SPATA19: variants seen among roughly 807,000 people sequenced by gnomAD.
The protein encoded by SPATA19 is spermatogenesis associated 19, also known as spermatogenesis-associated protein 19, mitochondrial.
A neutral mutation model predicts 25.0 loss-of-function variants in SPATA19; 19 were observed. The observed-to-expected ratio is 0.76, with a 90% CI of 0.53 to 1.11. The LOEUF is 1.11. SPATA19 is among the 50% of genes most tolerant of loss of function. The probability of loss-of-function intolerance (pLI) is 0.00; values close to 1 mark genes in which losing one functional copy is unlikely to be tolerated. For synonymous variants in SPATA19, 64 were observed against 69.3 expected, an observed-to-expected ratio of 0.92 and a Z score of 0.38; for missense variants, 222 against 211.4, an observed-to-expected ratio of 1.05 and a Z score of -0.31.
At chr11:133,838,586 AACCTAGGCAAT>A (rs1207409911), downstream of SPATA19, among the ~76,000 whole-genome samples, 4 of 152,200 alleles carry the variant, frequency 2.6e-5, no homozygotes, top group African/African-American at 7.2e-5. Flanking sequence ...CCTAGAAGAA[AACCTAGGCAAT>A]ACCATTCAGG....
intron 4 of SPATA19, 91 bp from the exon 5 acceptor site, chr11:133,842,653 A>C: frequency 1.0e-6 from 1 of 995,930 alleles, no homozygotes; most frequent in Non-Finnish European, 1.6e-6. Context: ...TCCTGCAAAC[A>C]ATGACTCTTG....
chr11:133,836,208 A>G (rs1380040716), downstream of SPATA19, among the ~76,000 whole-genome samples: 1 of 151,986 alleles, frequency 6.6e-6, no homozygotes, highest in Non-Finnish European at 1.5e-5. Context: ...CCCCTCTCAG[A>G]GCCCTCTCAC....
intron 4 of SPATA19, among the ~76,000 whole-genome samples, 162 bp from the exon 5 acceptor site, chr11:133,842,724 T>TC (rs1334079454): frequency 2.6e-5 from 4 of 151,822 alleles, no homozygotes; most frequent in African/African-American, 7.3e-5. Context: ...AGCACAAAGC[T>TC]TTTTTTTACT....
intron 4 of SPATA19, among the ~76,000 whole-genome samples, chr11:133,843,289 T>C (rs1160315518): frequency 6.6e-6 from 1 of 152,144 alleles, no homozygotes; most frequent in Non-Finnish European, 1.5e-5. Flanking sequence ...CGCAATTCCA[T>C]AGCACAACCA....
At chr11:133,844,197 C>T (rs778977654) in intron 4 of SPATA19, 49 bp downstream of exon 4, 13 of 1,452,948 alleles carry the variant, frequency 8.9e-6, no homozygotes, top group Admixed American at 3.3e-5. Flanking sequence ...GAGGGGCTTG[C>T]GCATCTCTCC....
Position 133,844,631 on chromosome 11 carries a change from C to T in SPATA19, c.145G>A (p.Glu49Lys), listed in dbSNP as rs1447118502. Reference sequence around the variant, plus strand: ...TTTTCCTTTATGCCCCGAGAAGCCTCTTCTTCTGTCTGAAAGGTGAGAAAT... The same window carrying T: ...TTTTCCTTTATGCCCCGAGAAGCCTTTTCTTCTGTCTGAAAGGTGAGAAAT... ...LHHWLKKTEE[E>K]ASRGIKEKLS... Residue 49 changes from glutamate (E) to lysine (K), a missense_variant, in exon 3 of 7, where the codon GAG (glutamate) becomes AAG (lysine). Physicochemically the swap from Glu to Lys is moderately conservative, Grantham distance 56. Transcript: ENST00000299140. The T allele has an allele frequency of 5.6e-6, 9 of 1,603,558 alleles. No homozygotes were observed. Among genetic ancestry groups the T allele is most frequent in the Admixed American group, 1.7e-5 (1 of 58,890 alleles).
chr11:133,843,287 CATA>C (rs1938350085), intron 4 of SPATA19, among the ~76,000 whole-genome samples: 1 of 152,120 alleles, frequency 6.6e-6, no homozygotes, highest in African/African-American at 2.4e-5. Context: ...TCCGCAATTC[CATA>C]GCACAACCAC....
chr11:133,843,638 G>A (rs1764858479), intron 4 of SPATA19, among the ~76,000 whole-genome samples: 1 of 152,210 alleles, frequency 6.6e-6, no homozygotes, highest in Non-Finnish European at 1.5e-5. Flanking sequence ...CCCTCTCCTG[G>A]GAAGGGGTGG....
downstream of SPATA19, among the ~76,000 whole-genome samples, chr11:133,837,438 G>A (rs1190301791): frequency 1.3e-5 from 2 of 152,236 alleles, no homozygotes. Context: ...AGTCATTGGG[G>A]GGATCCCCAC....
downstream of SPATA19, among the ~76,000 whole-genome samples, chr11:133,836,859 A>G (rs1938221719): frequency 1.3e-5 from 2 of 152,172 alleles, no homozygotes; most frequent in African/African-American, 4.8e-5. Context: ...ACACAGCATA[A>G]CAAAGTGGTC....
intron 6 of SPATA19, among the ~76,000 whole-genome samples, chr11:133,841,788 C>T (rs1361508973): frequency 6.6e-6 from 1 of 152,226 alleles, no homozygotes; most frequent in East Asian, 1.9e-4. Flanking sequence ...GCAGTGCTCT[C>T]TGACACCACA....
rs138223153 is a variant in SPATA19 at position 133,844,267 on chromosome 11, C to T, written c.338G>A (p.Arg113Gln). 22 of 1,614,006 alleles carry T rather than the reference C, an allele frequency of 1.4e-5. No individual in the cohort carries two copies. The highest frequency in any genetic ancestry group is 1.6e-4 in the Middle Eastern group (1 of 6,084). Residue 113 changes from arginine (R) to glutamine (Q), a missense_variant, in exon 4 of 7, where the codon CGA becomes CAA. By Grantham distance (43) the Arg-to-Gln change is conservative. Coordinates refer to ENST00000299140, the MANE Select transcript of SPATA19 (RefSeq NM_174927.3). ...TTACCTCCATCTTATGAACTGGATTCGTGTTCTCTCCTCTAGGACCTCTTG... is the reference window on the plus strand; with the variant it reads ...TTACCTCCATCTTATGAACTGGATTTGTGTTCTCTCCTCTAGGACCTCTTG... Reference protein sequence around the residue: ...QSQEVLEERTRIQFIRWSHTR... With the variant: ...QSQEVLEERTQIQFIRWSHTR...
At chr11:133,837,772 C>T (rs151253768), downstream of SPATA19, among the ~76,000 whole-genome samples, 556 of 152,252 alleles carry the variant, frequency 3.7e-3, 7 homozygotes, top group South Asian at 0.032. Flanking sequence ...TCCCCTCCCA[C>T]GCACTTATCA....
intron 1 of SPATA19, 53 bp from the exon 2 acceptor site, chr11:133,845,243 T>TTGGCCC: frequency 6.4e-7 from 1 of 1,555,020 alleles, no homozygotes; most frequent in Non-Finnish European, 8.8e-7. Context: ...ATTCAGCTCT[T>TTGGCCC]CCCACCCAGC....
At chr11:133,840,343 A>G (rs1319635799), downstream of SPATA19, among the ~76,000 whole-genome samples, 1 of 152,246 alleles carries the variant, frequency 6.6e-6, no homozygotes, top group Non-Finnish European at 1.5e-5. Flanking sequence ...AGAAACTCAA[A>G]TCTACATTAA....
chr11:133,841,910 G>A lies in SPATA19; in HGVS notation c.*9+120C>T, dbSNP rs145684908. On this transcript the variant is annotated intron_variant, in intron 6 of 6. Coordinates refer to ENST00000299140, the MANE Select transcript of SPATA19 (RefSeq NM_174927.3). ...TCTCCCACTACTGGCCCTGAGTGCA[G>A]GCCCTTCCCCAGTAGGGAAAAGCTA... is the stretch of plus-strand genomic sequence containing the variant. The A allele has an allele frequency of 3.9e-4, 377 of 956,140 alleles. 1 individual carries two copies. In the African/African-American group the frequency reaches 4.7e-3, roughly 12 times the overall value. The allele number at this position is 956,140 out of a possible 1,614,324, so 59.2% of individuals were successfully genotyped here. A position where few individuals can be genotyped will look rare whatever the true frequency, so the allele number is the denominator to read the frequency against.
chr11:133,844,077 T>G (rs1419979618), intron 4 of SPATA19, among the ~76,000 whole-genome samples, 169 bp downstream of exon 4: 1 of 152,206 alleles, frequency 6.6e-6, no homozygotes, highest in Non-Finnish European at 1.5e-5. Flanking sequence ...AGAAATGAGC[T>G]GGGCTTTCAA....
At chr11:133,842,347 T>G in intron 5 of SPATA19, 138 bp downstream of exon 5, 1 of 789,032 alleles carries the variant, frequency 1.3e-6, no homozygotes, top group East Asian at 2.4e-5. Context: ...GACGCAGCCC[T>G]GGGAACTGTG....
chr11:133,844,441 G>A (rs749685178), intron 3 of SPATA19, 68 bp downstream of exon 3: 12 of 1,612,134 alleles, frequency 7.4e-6, no homozygotes, highest in Middle Eastern at 3.3e-4. Flanking sequence ...AATCATTTAC[G>A]GTGCACCTCC....
Sources: gnomAD v4.1 joint callset for allele counts (sites outside exome capture counted in the v4.1 genomes callset) on GRCh38, gnomAD v4.1.1 for gene constraint, MANE v1.5 for transcripts, NCBI Gene and HGNC (gene_info 2026-07-23, HGNC 2026-07-21) for gene names.